BNC2: variants seen among roughly 807,000 people sequenced by gnomAD.
The protein encoded by BNC2 is basonuclin zinc finger protein 2.
BNC2 carries 20 observed loss-of-function variants against 76.3 expected under a neutral mutation model. The observed-to-expected ratio is 0.26, with a 90% confidence interval of 0.18 to 0.38. BNC2 has a LOEUF of 0.38. Ranked by LOEUF, BNC2 falls within the 10% of genes least tolerant of loss-of-function variation. The pLI is 1.00. For missense variants in BNC2, 1,382 were observed against 1,399.8 expected (o/e 0.99, Z 0.20); for synonymous variants, 582 against 514.8 (o/e 1.13, Z -1.77).
rs553738685 is a variant in BNC2, at chr9:16,719,984, GA to G, written c.330+7812del. ...TCCAAGAATTAGGTTTTTAAAAGAA[GA>G]AAAAAGGAAAGCAAAATCTCTCTTC... On this transcript the variant is annotated intron_variant, in intron 3 of 6. Transcript: ENST00000380672. Among the ~76,000 whole-genome samples, 14 of 152,196 alleles carry G rather than the reference GA, an allele frequency of 9.2e-5. No homozygotes were observed. In the East Asian group the frequency reaches 2.7e-3, roughly 29 times the overall value.
chr9:16,413,094 T>C lies in BNC2; in HGVS notation c.*5895A>G, dbSNP rs1401199817. On this transcript the variant is annotated 3_prime_UTR_variant, in exon 7 of 7. Coordinates refer to ENST00000380672, the MANE Select transcript of BNC2 (RefSeq NM_017637.6). ...CGAGGTGAAATTGAACTGAAGCTTC[T>C]TGCTGCTCAGCCCTGGCTTTTTTCT... 2 of 152,612 alleles carry C rather than the reference T, an allele frequency of 1.3e-5. No homozygotes were observed. The highest frequency in any genetic ancestry group is 2.4e-5 in the African/African-American group (1 of 41,456). 9.5% of individuals were successfully genotyped at this position (152,612 alleles called of 1,614,324 possible). A position where few individuals can be genotyped will look rare whatever the true frequency, so the allele number is the denominator to read the frequency against.
intron 3 of BNC2, among the ~76,000 whole-genome samples, chr9:16,619,553 T>A (rs1378143783): frequency 6.6e-6 from 1 of 152,174 alleles, no homozygotes; most frequent in African/African-American, 2.4e-5. Context: ...TATGAAACCC[T>A]TAAACATGAA....
At chr9:16,696,921 T>A (rs2134502532) in intron 3 of BNC2, among the ~76,000 whole-genome samples, 1 of 152,354 alleles carries the variant, frequency 6.6e-6, no homozygotes, top group South Asian at 2.1e-4. Flanking sequence ...AATGTCACCC[T>A]GTTGATCTGT....
At chr9:16,790,771 T>C (rs920143569) in intron 1 of BNC2, among the ~76,000 whole-genome samples, 1 of 151,856 alleles carries the variant, frequency 6.6e-6, no homozygotes, top group Non-Finnish European at 1.5e-5. Flanking sequence ...TAGCTAAATA[T>C]ATAGAGCCTC....
chr9:16,705,395 C>T (rs1425256431), intron 3 of BNC2, among the ~76,000 whole-genome samples: 1 of 152,162 alleles, frequency 6.6e-6, no homozygotes, highest in African/African-American at 2.4e-5. Context: ...GAGGGGCCAC[C>T]TCTGCTTCCT....
chr9:16,551,118 G>C (rs116407890), intron 5 of BNC2, among the ~76,000 whole-genome samples: 2 of 152,078 alleles, frequency 1.3e-5, no homozygotes, highest in African/African-American at 4.8e-5. Context: ...ATGAGATAAT[G>C]CTTGTAAACA....
intron 5 of BNC2, among the ~76,000 whole-genome samples, chr9:16,482,467 AC>A (rs897902509): frequency 6.6e-6 from 1 of 151,578 alleles, no homozygotes; most frequent in Non-Finnish European, 1.5e-5. Context: ...GAAAAAAAAA[AC>A]CCTCTTCTTA....
chr9:16,563,664 C>A (rs1289686420), intron 4 of BNC2, among the ~76,000 whole-genome samples: 1 of 152,142 alleles, frequency 6.6e-6, no homozygotes, highest in Non-Finnish European at 1.5e-5. Context: ...GGTAACAAAC[C>A]TCCTAGTCCC....
At chr9:16,601,761 T>C (rs1388435808) in intron 3 of BNC2, among the ~76,000 whole-genome samples, 2 of 152,118 alleles carry the variant, frequency 1.3e-5, no homozygotes, top group Non-Finnish European at 2.9e-5. Context: ...GTAATTCCCT[T>C]CCTCCCCACT....
intron 4 of BNC2, among the ~76,000 whole-genome samples, chr9:16,570,624 C>A (rs1819296286): frequency 6.6e-6 from 1 of 152,164 alleles, no homozygotes; most frequent in Non-Finnish European, 1.5e-5. Context: ...CTAACGAAAT[C>A]TTAAATGCAC....
intron 3 of BNC2, among the ~76,000 whole-genome samples, chr9:16,609,505 T>C (rs886435388): frequency 6.6e-6 from 1 of 152,104 alleles, no homozygotes; most frequent in Non-Finnish European, 1.5e-5. Context: ...TATGAGCATA[T>C]AGAAATAACT....
At chr9:16,452,846 T>C (rs1391114678) in intron 5 of BNC2, among the ~76,000 whole-genome samples, 31 of 152,214 alleles carry the variant, frequency 2.0e-4, no homozygotes, top group Admixed American at 2.0e-3. Flanking sequence ...CTAATTTCTG[T>C]TCTGCATCTG....
chr9:16,579,910 T>A (rs918185978), intron 4 of BNC2: 1 of 392,626 alleles, frequency 2.5e-6, no homozygotes, highest in East Asian at 3.6e-5. Context: ...ATTAAAAATT[T>A]TTTTATTGAC....
At chr9:16,662,513 A>C (rs1254317780) in intron 3 of BNC2, among the ~76,000 whole-genome samples, 1 of 152,220 alleles carries the variant, frequency 6.6e-6, no homozygotes, top group Non-Finnish European at 1.5e-5. Context: ...AGGCAGGTGC[A>C]TCACCTGAGG....
At chr9:16,785,807 CA>C (rs35675411) in intron 1 of BNC2, among the ~76,000 whole-genome samples, 1,731 of 136,850 alleles carry the variant, frequency 0.013, 29 homozygotes, top group African/African-American at 0.043. Context: ...ATGCTGTCTC[CA>C]AAAAAAAAAA....
At chr9:16,866,879 G>A (rs889712953) in intron 1 of BNC2, among the ~76,000 whole-genome samples, 4 of 152,032 alleles carry the variant, frequency 2.6e-5, no homozygotes. Flanking sequence ...GGAAAGATTT[G>A]AGGAGGCTAC....
At chr9:16,470,794 A>C (rs902356605) in intron 5 of BNC2, among the ~76,000 whole-genome samples, 3 of 152,216 alleles carry the variant, frequency 2.0e-5, no homozygotes, top group African/African-American at 7.2e-5. Context: ...ATGCCCTGGC[A>C]AAAGTTTGCT....
chr9:16,505,345 C>T (rs1055319985), intron 5 of BNC2, among the ~76,000 whole-genome samples: 1 of 152,102 alleles, frequency 6.6e-6, no homozygotes, highest in African/African-American at 2.4e-5. Flanking sequence ...AGTAAATAAT[C>T]GAAACAAAGA....
intron 4 of BNC2, among the ~76,000 whole-genome samples, chr9:16,554,944 G>A (rs1587164305): frequency 6.6e-6 from 1 of 152,300 alleles, no homozygotes; most frequent in Admixed American, 6.5e-5. Context: ...AGGTGTGTGT[G>A]CAAATGCGTT....
Sources: allele counts gnomAD v4.1 joint callset (sites outside exome capture counted in the v4.1 genomes callset), GRCh38; gene constraint gnomAD v4.1.1; transcripts MANE v1.5; gene names NCBI Gene and HGNC (gene_info 2026-07-23, HGNC 2026-07-21).